INPP4B: variants seen among roughly 807,000 people sequenced by gnomAD.
INPP4B encodes inositol polyphosphate 4-phosphatase type II.
INPP4B carries 55 observed loss-of-function variants against 122.5 expected under a neutral mutation model. The ratio of observed to expected loss-of-function variants is 0.45; its 90% CI spans 0.36 to 0.56. The LOEUF (loss-of-function observed/expected upper bound fraction) is 0.56, where lower values mean the gene tolerates loss of function less well. INPP4B is among the 20% of genes least tolerant of loss of function. The probability of loss-of-function intolerance (pLI) is 0.00; values close to 1 mark genes in which losing one functional copy is unlikely to be tolerated. For missense variants in INPP4B, 1,000 were observed against 1,097.7 expected, an observed-to-expected ratio of 0.91 and a Z score of 1.26; for synonymous variants, 403 against 388.7, an observed-to-expected ratio of 1.04 and a Z score of -0.43.
At chr4:142,692,151 G>C (rs116769776) in intron 2 of INPP4B, among the ~76,000 whole-genome samples, 191 of 152,184 alleles carry the variant, frequency 1.3e-3, no homozygotes, top group African/African-American at 4.6e-3. Context: ...TTTGCCCTCT[G>C]AAGTTTCACT....
At chr4:142,059,052 G>A (rs1293427372) in intron 25 of INPP4B, among the ~76,000 whole-genome samples, 1 of 152,074 alleles carries the variant, frequency 6.6e-6, no homozygotes, top group Non-Finnish European at 1.5e-5. Context: ...TATAAACCTG[G>A]ATATTTAGTC....
chr4:142,256,818 C>A (rs929879616), intron 11 of INPP4B, among the ~76,000 whole-genome samples: 6 of 152,132 alleles, frequency 3.9e-5, no homozygotes, highest in African/African-American at 1.4e-4. Context: ...CTGTTCCAAT[C>A]AATAGAAAAA....
intron 10 of INPP4B, among the ~76,000 whole-genome samples, chr4:142,269,058 A>G (rs193274886): frequency 3.6e-4 from 55 of 152,310 alleles, no homozygotes; most frequent in African/African-American, 1.2e-3. Context: ...ATGTAAATTA[A>G]CAGCTTATAT....
intron 2 of INPP4B, among the ~76,000 whole-genome samples, chr4:142,715,482 A>G (rs1463723709): frequency 6.6e-6 from 1 of 152,230 alleles, no homozygotes; most frequent in Non-Finnish European, 1.5e-5. Context: ...GGGGCATAGA[A>G]TAACATGGGG....
At chr4:142,157,311 C>T (rs1817747785) in intron 17 of INPP4B, among the ~76,000 whole-genome samples, 1 of 152,038 alleles carries the variant, frequency 6.6e-6, no homozygotes, top group African/African-American at 2.4e-5. Flanking sequence ...GGATTTCTAT[C>T]CTCTGATGAA....
At chr4:142,070,479 C>G (rs889130362) in intron 25 of INPP4B, among the ~76,000 whole-genome samples, 1 of 152,102 alleles carries the variant, frequency 6.6e-6, no homozygotes. Context: ...GTTGGAAGTT[C>G]TGGCCAGGAC....
chr4:142,644,760 A>AAAC (rs1411520747), intron 2 of INPP4B, among the ~76,000 whole-genome samples: 73 of 148,810 alleles, frequency 4.9e-4, no homozygotes, highest in African/African-American at 1.1e-3. Context: ...AAAAAAAAAA[A>AAAC]AAAAAAATTG....
chr4:142,515,747 CA>C (rs1027442594), intron 2 of INPP4B, among the ~76,000 whole-genome samples: 2 of 152,150 alleles, frequency 1.3e-5, no homozygotes, highest in African/African-American at 4.8e-5. Context: ...TGGCTAAAAC[CA>C]AAGTCTGAAA....
At chr4:142,789,374 A>T (rs948826992) in intron 1 of INPP4B, among the ~76,000 whole-genome samples, 1 of 152,130 alleles carries the variant, frequency 6.6e-6, no homozygotes, top group Non-Finnish European at 1.5e-5. Context: ...TGATAAATTA[A>T]TGCAGCAAAG....
Position 142,269,356 on chromosome 4 carries a change from C to T in INPP4B, c.615+1307G>A, listed in dbSNP as rs375620576. On this transcript the variant is annotated intron_variant, in intron 10 of 25. Coordinates refer to ENST00000262992, the MANE Select transcript of INPP4B (RefSeq NM_001101669.3). ...CTCTTTCTCTTTTACATATCGGAGT[C>T]CTCAAAACCCTCTTTGGAAAAGGCA... Among the ~76,000 whole-genome samples, 76 of 152,054 alleles carry T rather than the reference C, an allele frequency of 5.0e-4. 1 individual carries two copies. Among genetic ancestry groups the T allele is most frequent in the Middle Eastern group, 6.8e-3 (2 of 294 alleles).
At chr4:142,661,835 TA>T (rs1401848769) in intron 2 of INPP4B, among the ~76,000 whole-genome samples, 1 of 152,196 alleles carries the variant, frequency 6.6e-6, no homozygotes, top group Non-Finnish European at 1.5e-5. Context: ...AAGCTAGTAG[TA>T]GATGCATATG....
At chr4:142,418,789 C>T (rs964121688) in intron 5 of INPP4B, among the ~76,000 whole-genome samples, 1 of 152,122 alleles carries the variant, frequency 6.6e-6, no homozygotes, top group South Asian at 2.1e-4. Context: ...AAATTGAAGC[C>T]ATTGGAAGAT....
intron 11 of INPP4B, among the ~76,000 whole-genome samples, chr4:142,252,767 T>C (rs1199877096): frequency 6.6e-6 from 1 of 152,240 alleles, no homozygotes. Context: ...TTATGAGTTA[T>C]ATAATTAGGA....
intron 25 of INPP4B, among the ~76,000 whole-genome samples, chr4:142,061,847 TATATAC>T (rs1760804067): frequency 3.1e-5 from 4 of 128,350 alleles, no homozygotes; most frequent in African/African-American, 6.0e-5. Context: ...TATATGTACA[TATATAC>T]ATATATATAT....
chr4:142,240,937 C>T (rs1354621607), intron 11 of INPP4B, among the ~76,000 whole-genome samples: 1 of 152,028 alleles, frequency 6.6e-6, no homozygotes, highest in African/African-American at 2.4e-5. Flanking sequence ...AAAAGAAAGG[C>T]ACGGTACTCA....
At chr4:142,584,689 G>A (rs527306040) in intron 2 of INPP4B, among the ~76,000 whole-genome samples, 1 of 152,066 alleles carries the variant, frequency 6.6e-6, no homozygotes, top group South Asian at 2.1e-4. Context: ...CCTGGATAAG[G>A]CACTTTTTGT....
intron 25 of INPP4B, among the ~76,000 whole-genome samples, chr4:142,063,737 A>T (rs1358383541): frequency 1.3e-5 from 2 of 152,148 alleles, no homozygotes; most frequent in Non-Finnish European, 2.9e-5. Flanking sequence ...TCTTCCTTTC[A>T]TCTTAGCACT....
rs147461824 is a variant in INPP4B at position 142,370,034 on chromosome 4, G to A, written c.372+32904C>T. On this transcript the variant is annotated intron_variant, in intron 7 of 25. Transcript: ENST00000262992. ...GATAGAACATACTGATATATCAATCGTAGACCAATTGTAGTAAACATATTG... is the reference window on the plus strand; with the variant it reads ...GATAGAACATACTGATATATCAATCATAGACCAATTGTAGTAAACATATTG... 5.8e-3 allele frequency among the ~76,000 whole-genome samples: 888 copies of A among 151,940 alleles called. 17 individuals carry two copies. The highest frequency in any genetic ancestry group is 0.042 in the East Asian group (216 of 5,172).
chr4:142,286,437 T>C (rs1480672635), intron 9 of INPP4B, among the ~76,000 whole-genome samples: 1 of 152,222 alleles, frequency 6.6e-6, no homozygotes, highest in African/African-American at 2.4e-5. Flanking sequence ...AGTTATAGAA[T>C]TAAAATTTCC....
Sources: gnomAD v4.1 joint callset for allele counts (sites outside exome capture counted in the v4.1 genomes callset) on GRCh38, gnomAD v4.1.1 for gene constraint, MANE v1.5 for transcripts, NCBI Gene and HGNC (gene_info 2026-07-23, HGNC 2026-07-21) for gene names.